ENTREP2: variants seen among roughly 807,000 people sequenced by gnomAD.
ENTREP2 encodes protein ENTREP2.
chr15:29,120,465 G>A, the ENTREP2 span: 109,173 of 152,160 alleles, frequency 0.72, 41,191 homozygotes, highest in Middle Eastern at 0.91. Flanking sequence ...TGTGTTACAA[G>A]CATTTAATGT....
chr15:29,308,774 C>T, the ENTREP2 span, among the ~76,000 whole-genome samples: 1 of 152,190 alleles, frequency 6.6e-6, no homozygotes, highest in African/African-American at 2.4e-5. Context: ...GTTAAAGACC[C>T]TTGAAAAACA....
chr15:29,588,540 AAGAAAGAG>A, the ENTREP2 span, among the ~76,000 whole-genome samples: 48 of 49,218 alleles, frequency 9.8e-4, no homozygotes, highest in Middle Eastern at 8.9e-3. Flanking sequence ...AAGGAAGAGA[AAGAAAGAG>A]AGAGAGAGAG....
At chr15:29,619,265 G>A in the ENTREP2 span, among the ~76,000 whole-genome samples, 3 of 152,128 alleles carry the variant, frequency 2.0e-5, no homozygotes, top group Non-Finnish European at 2.9e-5. Flanking sequence ...GGTCGCTGGC[G>A]CCTGTAATCC....
chr15:29,135,452 C>T, the ENTREP2 span, among the ~76,000 whole-genome samples: 2 of 152,072 alleles, frequency 1.3e-5, no homozygotes, highest in African/African-American at 2.4e-5. The surrounding 1 kb of genome is among the most constrained non-coding windows in gnomAD (Gnocchi z 7.4). Flanking sequence ...GCACTATGGG[C>T]CACGTGACTT....
chr15:29,456,385 G>T, the ENTREP2 span, among the ~76,000 whole-genome samples: 1 of 152,202 alleles, frequency 6.6e-6, no homozygotes, highest in African/African-American at 2.4e-5. Context: ...GCAGGTGCAG[G>T]AGGAGAGGGA....
the ENTREP2 span, among the ~76,000 whole-genome samples, chr15:29,504,899 A>C: frequency 6.6e-6 from 1 of 152,244 alleles, no homozygotes. Context: ...CCTTGAAAAC[A>C]TATTTATCCC....
At chr15:29,393,186 G>A in the ENTREP2 span, among the ~76,000 whole-genome samples, 1 of 152,172 alleles carries the variant, frequency 6.6e-6, no homozygotes, top group African/African-American at 2.4e-5. Context: ...TTTCTTTGAT[G>A]CTTGAGCGCT....
At chr15:29,283,982 T>C in the ENTREP2 span, among the ~76,000 whole-genome samples, 1 of 151,910 alleles carries the variant, frequency 6.6e-6, no homozygotes, top group South Asian at 2.1e-4. Context: ...CAGCACAAGA[T>C]AAAAAGTTAA....
chr15:29,641,175 G>C, the ENTREP2 span, among the ~76,000 whole-genome samples: 1 of 152,114 alleles, frequency 6.6e-6, no homozygotes, highest in East Asian at 1.9e-4. Flanking sequence ...AAGTTCCTAA[G>C]CCTGATAAAA....
At chr15:29,656,875 C>T in the ENTREP2 span, among the ~76,000 whole-genome samples, 2 of 152,180 alleles carry the variant, frequency 1.3e-5, no homozygotes, top group East Asian at 1.9e-4. Flanking sequence ...GAAAACTCAT[C>T]TTCACACAAA....
chr15:29,304,550 T>A, the ENTREP2 span, among the ~76,000 whole-genome samples: 1 of 152,106 alleles, frequency 6.6e-6, no homozygotes, highest in Non-Finnish European at 1.5e-5. Context: ...ATCTTACCTG[T>A]TCCCTCCTTC....
the ENTREP2 span, among the ~76,000 whole-genome samples, chr15:29,571,867 G>C: frequency 6.6e-6 from 1 of 152,050 alleles, no homozygotes; most frequent in Non-Finnish European, 1.5e-5. Context: ...CAGATTAAGA[G>C]ATCACCAGCG....
At chr15:29,143,186 C>T in the ENTREP2 span, among the ~76,000 whole-genome samples, 103 of 152,026 alleles carry the variant, frequency 6.8e-4, no homozygotes, top group African/African-American at 2.3e-3. Flanking sequence ...ATAGCAAAGC[C>T]CCTGAGATAA....
the ENTREP2 span, among the ~76,000 whole-genome samples, chr15:29,332,972 A>AC: frequency 6.6e-6 from 1 of 151,982 alleles, no homozygotes; most frequent in Non-Finnish European, 1.5e-5. Context: ...AAAAAAAAAA[A>AC]AAAAAACCCT....
At chr15:29,213,413 T>C in the ENTREP2 span, among the ~76,000 whole-genome samples, 1 of 152,322 alleles carries the variant, frequency 6.6e-6, no homozygotes, top group African/African-American at 2.4e-5. Flanking sequence ...TTGATTCTTC[T>C]TATCCATGAG....
At chr15:29,344,567 T>A in the ENTREP2 span, among the ~76,000 whole-genome samples, 1 of 152,150 alleles carries the variant, frequency 6.6e-6, no homozygotes, top group Non-Finnish European at 1.5e-5. Flanking sequence ...TCTGGGCCAC[T>A]CCAGTGACTG....
chr15:29,642,736 C>A, the ENTREP2 span, among the ~76,000 whole-genome samples: 1 of 152,040 alleles, frequency 6.6e-6, no homozygotes, highest in African/African-American at 2.4e-5. Flanking sequence ...CCTCAGACTG[C>A]CAAGTAGCTG....
At chr15:29,584,761 T>C in the ENTREP2 span, among the ~76,000 whole-genome samples, 1 of 152,312 alleles carries the variant, frequency 6.6e-6, no homozygotes, top group East Asian at 1.9e-4. Flanking sequence ...CTGATTATTG[T>C]TAATAACACT....
At chr15:29,493,759 T>C in the ENTREP2 span, among the ~76,000 whole-genome samples, 1 of 152,068 alleles carries the variant, frequency 6.6e-6, no homozygotes, top group African/African-American at 2.4e-5. Context: ...GCGAATCACC[T>C]GAGGTCAGGA....
Sources: allele counts gnomAD v4.1 joint callset (sites outside exome capture counted in the v4.1 genomes callset), GRCh38; gene constraint gnomAD v4.1.1; non-coding constraint Gnocchi (gnomAD v3.1); transcripts MANE v1.5; gene names NCBI Gene and HGNC (gene_info 2026-07-23, HGNC 2026-07-21).